KPNA3: variants seen among roughly 807,000 people sequenced by gnomAD.
KPNA3 encodes karyopherin subunit alpha 3.
In KPNA3, 13 loss-of-function variants were observed where a neutral mutation model predicts 73.8. The ratio of observed to expected loss-of-function variants is 0.18; its 90% CI spans 0.11 to 0.28. The LOEUF (loss-of-function observed/expected upper bound fraction) is 0.28, where lower values mean the gene tolerates loss of function less well. Among genes scored for constraint, KPNA3 ranks in the 10% least tolerant of loss-of-function variants. The pLI is 1.00. For missense variants in KPNA3, 360 were observed against 618.1 expected (o/e 0.58, Z 4.43); for synonymous variants, 186 against 206.9 (o/e 0.90, Z 0.87).
chr13:49,772,166 T>C (rs539183334), intron 1 of KPNA3, among the ~76,000 whole-genome samples: 1 of 152,340 alleles, frequency 6.6e-6, no homozygotes, highest in South Asian at 2.1e-4. Flanking sequence ...TCTTTCATCT[T>C]GTTTTCTTGC....
chr13:49,760,054 G>C (rs1954745889), intron 1 of KPNA3, among the ~76,000 whole-genome samples: 1 of 152,104 alleles, frequency 6.6e-6, no homozygotes, highest in African/African-American at 2.4e-5. Context: ...ATCTGAATCT[G>C]ATAAAGCCTC....
At chr13:49,732,886 T>C (rs1954483216) in intron 3 of KPNA3, 71 bp downstream of exon 3, 4 of 1,344,796 alleles carry the variant, frequency 3.0e-6, no homozygotes, top group Non-Finnish European at 4.2e-6. Context: ...GTTGGTCTTA[T>C]ATTAAAAATG....
chr13:49,753,758 T>C (rs996439603), intron 1 of KPNA3, among the ~76,000 whole-genome samples: 2 of 152,054 alleles, frequency 1.3e-5, no homozygotes, highest in African/African-American at 4.8e-5. Context: ...ACGTGAGGGA[T>C]CTAGGTTGTG....
intron 12 of KPNA3, among the ~76,000 whole-genome samples, chr13:49,709,109 AAAGTT>A (rs1374633584): frequency 6.6e-6 from 1 of 152,042 alleles, no homozygotes; most frequent in Non-Finnish European, 1.5e-5. Flanking sequence ...GAAGCGATTA[AAAGTT>A]GAAAAAGGCT....
chr13:49,771,928 G>A (rs1405269622), intron 1 of KPNA3, among the ~76,000 whole-genome samples: 1 of 152,156 alleles, frequency 6.6e-6, no homozygotes, highest in African/African-American at 2.4e-5. Context: ...ATTTTGGGAA[G>A]TATAGGCATG....
intron 2 of KPNA3, among the ~76,000 whole-genome samples, chr13:49,734,934 T>G (rs190992836): frequency 0.077 from 7,192 of 93,348 alleles, 202 homozygotes; most frequent in South Asian, 0.11. Context: ...TATATATATA[T>G]ATATAGAGAG....
At chr13:49,721,054 A>G (rs1954351673) in intron 9 of KPNA3, among the ~76,000 whole-genome samples, 1 of 152,022 alleles carries the variant, frequency 6.6e-6, no homozygotes, top group Non-Finnish European at 1.5e-5. Flanking sequence ...CCCCATCTCT[A>G]CTAAAAATAC....
chr13:49,736,667 C>T (rs2137559159), intron 2 of KPNA3, among the ~76,000 whole-genome samples: 1 of 152,268 alleles, frequency 6.6e-6, no homozygotes, highest in East Asian at 1.9e-4. Flanking sequence ...TTATTTTATT[C>T]AGACTTCTCG....
chr13:49,764,490 A>G (rs1305867555), intron 1 of KPNA3, among the ~76,000 whole-genome samples: 1 of 152,092 alleles, frequency 6.6e-6, no homozygotes, highest in African/African-American at 2.4e-5. Context: ...ACCAGGCCTC[A>G]TATTTATTGA....
intron 1 of KPNA3, among the ~76,000 whole-genome samples, chr13:49,762,129 C>T (rs1362837358): frequency 8.6e-6 from 1 of 115,912 alleles, no homozygotes; most frequent in African/African-American, 4.1e-5. Flanking sequence ...CCCGCCCGGC[C>T]AGCCTCCCCG....
intron 15 of KPNA3, among the ~76,000 whole-genome samples, chr13:49,704,134 C>T (rs1954177625): frequency 6.6e-6 from 1 of 151,994 alleles, no homozygotes; most frequent in African/African-American, 2.4e-5. Flanking sequence ...CTCAAGAAAC[C>T]CTCCCGGCTG....
chr13:49,703,721 A>G (rs1594426660), intron 15 of KPNA3, among the ~76,000 whole-genome samples: 1 of 152,310 alleles, frequency 6.6e-6, no homozygotes, highest in East Asian at 1.9e-4. Context: ...GCCTTCATTT[A>G]TATTTCCAAT....
intron 1 of KPNA3, among the ~76,000 whole-genome samples, chr13:49,749,526 C>T (rs11148161): frequency 6.6e-6 from 1 of 151,896 alleles, no homozygotes; most frequent in Non-Finnish European, 1.5e-5. Flanking sequence ...ATCCTGTGTT[C>T]CATCCCTTCT....
intron 10 of KPNA3, among the ~76,000 whole-genome samples, chr13:49,716,715 A>T (rs1323090629): frequency 1.3e-5 from 2 of 152,054 alleles, no homozygotes; most frequent in African/African-American, 4.8e-5. Context: ...TAGGATTACA[A>T]ATATGAGCCA....
At chr13:49,706,736 T>G (rs573128503) in intron 12 of KPNA3, among the ~76,000 whole-genome samples, 4 of 137,604 alleles carry the variant, frequency 2.9e-5, no homozygotes, top group African/African-American at 1.1e-4. Flanking sequence ...AATATACAAC[T>G]GAATTTCTTT....
At chr13:49,765,230 T>C (rs1566356280) in intron 1 of KPNA3, among the ~76,000 whole-genome samples, 1 of 152,236 alleles carries the variant, frequency 6.6e-6, no homozygotes, top group African/African-American at 2.4e-5. Context: ...AACTTTTCAA[T>C]GTTATAAATA....
intron 1 of KPNA3, among the ~76,000 whole-genome samples, chr13:49,784,275 C>A (rs1229145455): frequency 6.6e-6 from 1 of 151,900 alleles, no homozygotes; most frequent in African/African-American, 2.4e-5. Flanking sequence ...TACAAAAAAT[C>A]TGAAGGGTGG....
At chr13:49,789,872 C>T (rs1955018309) in intron 1 of KPNA3, among the ~76,000 whole-genome samples, 1 of 152,176 alleles carries the variant, frequency 6.6e-6, no homozygotes, top group African/African-American at 2.4e-5. Context: ...TTCTTTCATC[C>T]TTCACAATCA....
intron 7 of KPNA3, among the ~76,000 whole-genome samples, chr13:49,723,982 A>G (rs747424294): frequency 2.9e-4 from 44 of 152,282 alleles, no homozygotes; most frequent in Non-Finnish European, 5.4e-4. Context: ...ACCATTAAAT[A>G]TCTGCTTTCT....
Sources: allele counts gnomAD v4.1 joint callset (sites outside exome capture counted in the v4.1 genomes callset), GRCh38; gene constraint gnomAD v4.1.1; transcripts MANE v1.5; gene names NCBI Gene and HGNC (gene_info 2026-07-23, HGNC 2026-07-21).